MFAP1: variants seen among roughly 807,000 people sequenced by gnomAD.
The protein encoded by MFAP1 is microfibril associated protein 1.
Under a neutral mutation model 62.2 loss-of-function variants are expected in MFAP1, and 18 were observed. The observed-to-expected ratio is 0.29, with a 90% CI of 0.20 to 0.43. The LOEUF is 0.43. Ranked by LOEUF, MFAP1 falls within the 20% of genes least tolerant of loss-of-function variation. MFAP1 has a pLI of 1.00. For missense variants in MFAP1, 355 were observed against 559.7 expected (o/e 0.63, Z 3.69); for synonymous variants, 175 against 180.4 (o/e 0.97, Z 0.24).
intron 4 of MFAP1, 93 bp from the exon 5 acceptor site, chr15:43,813,450 C>A (rs1311239745): frequency 8.5e-6 from 10 of 1,182,724 alleles, no homozygotes; most frequent in Non-Finnish European, 1.2e-5. Context: ...AGACAAAAAC[C>A]AAACAATCTT....
At chr15:43,819,047 C>G (rs1007541476) in intron 1 of MFAP1, among the ~76,000 whole-genome samples, 1 of 152,126 alleles carries the variant, frequency 6.6e-6, no homozygotes, top group Non-Finnish European at 1.5e-5. Context: ...CAAAAATTAG[C>G]CAGACATGGT....
Position 43,824,537 on chromosome 15 carries a change from C to A in MFAP1, c.33G>T (p.Pro11=), listed in dbSNP as rs1567178654. The A allele has an allele frequency of 1.9e-6, 3 of 1,614,096 alleles. No individual in the cohort carries two copies. Among genetic ancestry groups the A allele is most frequent in the Non-Finnish European group, 2.5e-6 (3 of 1,180,024 alleles). Residue 11 remains proline (P), a synonymous_variant, in exon 1 of 9, where the codon CCG becomes CCT. Transcript: ENST00000267812. ...CGGCCCCAGCCGTAGACTGAATGGG[C>A]GGTTGCTTCATGAGAGCGCTTGGGA... MSVPSALMKQ[P]PIQSTAGAVP... is the part of the protein sequence containing the mutation.
At chr15:43,809,659 A>G (rs765635700) in intron 7 of MFAP1, 96 bp downstream of exon 7, 9 of 1,449,398 alleles carry the variant, frequency 6.2e-6, no homozygotes, top group Non-Finnish European at 8.4e-6. Context: ...TGGCAAGTGG[A>G]AATTACATTC....
At chr15:43,815,235 A>G (rs1350726911) in intron 2 of MFAP1, among the ~76,000 whole-genome samples, 161 bp from the exon 3 acceptor site, 1 of 151,724 alleles carries the variant, frequency 6.6e-6, no homozygotes, top group Admixed American at 6.6e-5. Context: ...GCTGCAGTGC[A>G]GTGGTGCGAT....
intron 1 of MFAP1, among the ~76,000 whole-genome samples, chr15:43,818,467 C>T (rs1382337764): frequency 2.1e-5 from 3 of 139,960 alleles, no homozygotes; most frequent in African/African-American, 8.0e-5. Context: ...TACTAAATAA[C>T]GTAAGAGCAA....
rs190045565 is a variant in MFAP1, at chr15:43,810,237, C to T, written c.888-323G>A. The T allele has an allele frequency of 3.4e-4, 79 of 233,030 alleles. 1 individual carries two copies. The highest frequency in any genetic ancestry group is 3.2e-3 in the East Asian group (36 of 11,258). 14.4% of individuals were successfully genotyped at this position (233,030 alleles called of 1,614,324 possible). The stretch of plus-strand genomic sequence containing the variant: ...CTTAGCTTTAAAAAAAAAAAAAAAT[C>T]AGTGAATTTAAAATAAGTGTCTGAG... On this transcript the variant is annotated intron_variant, in intron 6 of 8. Transcript: ENST00000267812.
At chr15:43,812,935 T>A in intron 6 of MFAP1, 52 bp downstream of exon 6, 1 of 1,596,798 alleles carries the variant, frequency 6.3e-7, no homozygotes, top group Admixed American at 1.7e-5. Flanking sequence ...GCTATCCTGC[T>A]AGAAACCTGT....
intron 6 of MFAP1, among the ~76,000 whole-genome samples, chr15:43,812,771 A>C (rs1407937726): frequency 1.3e-5 from 2 of 152,172 alleles, no homozygotes; most frequent in African/African-American, 2.4e-5. Context: ...ACTGGCTGGC[A>C]CTCTATTATG....
At chr15:43,813,936 T>C (rs1190288852) in intron 4 of MFAP1, among the ~76,000 whole-genome samples, 2 of 152,132 alleles carry the variant, frequency 1.3e-5, no homozygotes, top group Non-Finnish European at 2.9e-5. Context: ...AATTTGCTCG[T>C]TGAGTTTAAT....
chr15:43,807,522 G>C (rs1187132841), intron 7 of MFAP1, among the ~76,000 whole-genome samples: 2 of 151,142 alleles, frequency 1.3e-5, no homozygotes, highest in Non-Finnish European at 2.9e-5. Flanking sequence ...CTAATTTTTT[G>C]TATTTTTAGT....
At chr15:43,823,307 T>A (rs1483539920) in intron 1 of MFAP1, among the ~76,000 whole-genome samples, 1 of 151,928 alleles carries the variant, frequency 6.6e-6, no homozygotes, top group Non-Finnish European at 1.5e-5. Context: ...TCTTATAACT[T>A]ACTTTGGGGA....
intron 2 of MFAP1, among the ~76,000 whole-genome samples, chr15:43,816,191 A>G (rs1440878136): frequency 2.6e-5 from 4 of 152,046 alleles, no homozygotes; most frequent in Non-Finnish European, 4.4e-5. Context: ...GTGAGAATGA[A>G]TAAAAGTGTT....
intron 1 of MFAP1, among the ~76,000 whole-genome samples, chr15:43,824,184 T>G (rs1326775334): frequency 6.6e-6 from 1 of 151,134 alleles, no homozygotes. Context: ...ATATATATAT[T>G]AGACATATAT....
At chr15:43,821,556 G>A (rs1316690889) in intron 1 of MFAP1, among the ~76,000 whole-genome samples, 2 of 152,088 alleles carry the variant, frequency 1.3e-5, no homozygotes, top group East Asian at 1.9e-4. Flanking sequence ...ATGAGAACTC[G>A]AGTATATTAT....
Position 43,820,316 on chromosome 15 carries a change from C to CA in MFAP1, c.80-2869dup, listed in dbSNP as rs199901760. ...TAGGCGACAGGGTAAGACTCCATCT[C>CA]AAAAAAAACAAACAACAACAACAAA... On this transcript the variant is annotated intron_variant, in intron 1 of 8. Coordinates refer to ENST00000267812, the MANE Select transcript of MFAP1 (RefSeq NM_005926.3). Among the ~76,000 whole-genome samples the CA allele has an allele frequency of 8.9e-3, 1,350 of 151,488 alleles. 6 individuals carry two copies. Among genetic ancestry groups the CA allele is most frequent in the Middle Eastern group, 0.031 (9 of 292 alleles).
At chr15:43,817,874 G>T (rs1218003400) in intron 1 of MFAP1, among the ~76,000 whole-genome samples, 2 of 152,188 alleles carry the variant, frequency 1.3e-5, no homozygotes, top group Non-Finnish European at 2.9e-5. Flanking sequence ...CATTCTTGTA[G>T]TTCCCTCTGG....
intron 6 of MFAP1, among the ~76,000 whole-genome samples, chr15:43,811,988 G>A (rs1167580951): frequency 6.6e-6 from 1 of 152,020 alleles, no homozygotes; most frequent in Non-Finnish European, 1.5e-5. Context: ...TCATGAGTTC[G>A]AGACCAGCCT....
At chr15:43,809,622 GA>G in intron 7 of MFAP1, 132 bp downstream of exon 7, 1 of 1,097,238 alleles carries the variant, frequency 9.1e-7, no homozygotes, top group Non-Finnish European at 1.3e-6. Context: ...TGTTCAGAAG[GA>G]AAAAGCAAAT....
At chr15:43,811,180 C>T (rs1261453901) in intron 6 of MFAP1, among the ~76,000 whole-genome samples, 5 of 150,366 alleles carry the variant, frequency 3.3e-5, no homozygotes, top group Admixed American at 2.6e-4. Context: ...TTTGGGAGGC[C>T]GAGGTGGGTG....
Sources: gnomAD v4.1 joint callset for allele counts (sites outside exome capture counted in the v4.1 genomes callset) on GRCh38, gnomAD v4.1.1 for gene constraint, MANE v1.5 for transcripts, NCBI Gene and HGNC (gene_info 2026-07-23, HGNC 2026-07-21) for gene names.